FTCD: variants seen among roughly 807,000 people sequenced by gnomAD.
FTCD encodes the protein formimidoyltransferase-cyclodeaminase.
FTCD carries 76 observed loss-of-function variants against 62.9 expected under a neutral mutation model. The observed-to-expected ratio is 1.21, with a 90% CI of 1.00 to 1.46. The LOEUF (loss-of-function observed/expected upper bound fraction) is 1.46, where lower values mean the gene tolerates loss of function less well. Ranked by LOEUF, FTCD falls within the 40% of genes most tolerant of loss-of-function variation. The pLI is 0.00. For missense variants in FTCD, 845 were observed against 751.3 expected (o/e 1.12, Z -1.46); for synonymous variants, 397 against 336.9 (o/e 1.18, Z -1.95).
rs1476328867 is a variant in FTCD at position 46,151,744 on chromosome 21, G to A, written c.457-7C>T. 2 of 1,612,682 alleles carry A rather than the reference G, an allele frequency of 1.2e-6. No homozygotes were observed. Among genetic ancestry groups the A allele is most frequent in the Middle Eastern group, 1.7e-4 (1 of 5,954 alleles). Reference sequence around the variant, plus strand: ...CCCAGTCGGCCTGCTGGAGCTGTGAGCAAGTTCGCTCTGGGGTGAGACATC... The same window carrying A: ...CCCAGTCGGCCTGCTGGAGCTGTGAACAAGTTCGCTCTGGGGTGAGACATC... On this transcript the variant is annotated splice_polypyrimidine_tract_variant and splice_region_variant and intron_variant, in intron 4 of 13. Coordinates refer to ENST00000397746, the MANE Select transcript of FTCD (RefSeq NM_206965.2).
chr21:46,153,064 A>G, intron 2 of FTCD, 29 bp from the exon 3 acceptor site: 1 of 1,540,078 alleles, frequency 6.5e-7, no homozygotes. Context: ...GCCGGGCAGG[A>G]GGCCAGGTGT....
At position 46,150,455 on chromosome 21, in the gene FTCD, G is replaced by A. The variant is rs2079243143; in HGVS notation, c.707C>T (p.Thr236Ile). The change falls in exon 6 of 14, where the codon ACC becomes ATC. Residue 236 changes from threonine (T) to isoleucine (I), a missense_variant. By Grantham distance (89) the Thr-to-Ile change is moderately conservative. Coordinates refer to ENST00000397746, the MANE Select transcript of FTCD (RefSeq NM_206965.2). ...LDEKNLAQVS[T>I]NLLDFEVTAL... ...CGTGACCTCAAAGTCCAGAAGATTG[G>A]TGGACACCTGAGCCAGGTTCTTCTC... 1.2e-6 allele frequency: 2 copies of A among 1,612,552 alleles called. No individual in the cohort carries two copies. Among genetic ancestry groups the A allele is most frequent in the African/African-American group, 1.3e-5 (1 of 74,926 alleles).
At chr21:46,152,654 G>C in intron 3 of FTCD, 1 of 433,110 alleles carries the variant, frequency 2.3e-6, no homozygotes, top group Non-Finnish European at 4.1e-6. Flanking sequence ...AGAAGGCGTG[G>C]ACTTTAAGGC....
In FTCD at chr21:46,145,918, C is replaced by G; in HGVS notation, c.998G>C (p.Arg333Pro). The G allele has an allele frequency of 6.7e-7, 1 of 1,502,210 alleles. No individual in the cohort carries two copies. The highest frequency in any genetic ancestry group is 8.8e-7 in the Non-Finnish European group (1 of 1,132,616). 93.1% of individuals were successfully genotyped at this position (1,502,210 alleles called of 1,614,324 possible). The change falls in exon 9 of 14, where the codon CGA becomes CCA. Residue 333 changes from arginine to proline, a missense_variant. Transcript: ENST00000397746. ...EYLVPERGPE[R>P]GLGSKSLRAF... ...GCGCAGGGACTTGCTGCCCAGGCCT[C>G]GCTCAGGCCCGCGCTCAGGGACCAG... is the stretch of plus-strand genomic sequence containing the variant.
chr21:46,140,088 C>A (rs1464588399), intron 10 of FTCD, among the ~76,000 whole-genome samples: 1 of 152,200 alleles, frequency 6.6e-6, no homozygotes, highest in East Asian at 1.9e-4. Context: ...GTGCAAGGTA[C>A]AGATATCTCC....
At chr21:46,145,983 G>C (rs2079138671) in intron 8 of FTCD, 36 bp from the exon 9 acceptor site, 1 of 1,297,842 alleles carries the variant, frequency 7.7e-7, no homozygotes, top group African/African-American at 1.5e-5. Flanking sequence ...GTCTGGCCGG[G>C]GTTGGTGGGG....
rs777790425 is a variant in FTCD at position 46,145,843 on chromosome 21, G to C, written c.1073C>G (p.Ser358Trp). ...CATGGCCGCAGCGGCCGCCGCCACC[G>C]AGCCGCCCCCGGGGGCCGCAGAGCG... ...GARSAAPGGG[S>W]VAAAAAAMGA... Residue 358 changes from serine (S) to tryptophan (W), a missense_variant, in exon 9 of 14, where the codon TCG (serine) becomes TGG (tryptophan). Coordinates refer to ENST00000397746, the MANE Select transcript of FTCD (RefSeq NM_206965.2). 5.3e-6 allele frequency: 5 copies of C among 939,148 alleles called. No individual in the cohort carries two copies. Among genetic ancestry groups the C allele is most frequent in the South Asian group, 2.4e-5 (1 of 40,892 alleles). The allele number at this position is 939,148 out of a possible 1,614,324, so 58.2% of individuals were successfully genotyped here. A position where few individuals can be genotyped will look rare whatever the true frequency, so the allele number is the denominator to read the frequency against.
At position 46,136,905 on chromosome 21, in the gene FTCD, G is replaced by A. The variant is rs1439740662; in HGVS notation, c.*82C>T. 1.2e-6 allele frequency: 2 copies of A among 1,601,474 alleles called. No homozygotes were observed. The highest frequency in any genetic ancestry group is 1.6e-4 in the Middle Eastern group (1 of 6,064). On this transcript the variant is annotated 3_prime_UTR_variant, in exon 14 of 14. Coordinates refer to ENST00000397746, the MANE Select transcript of FTCD (RefSeq NM_206965.2). ...CCTCCGGGCCCCACACGAACAAGCT[G>A]TGTCCCCACCGAGGTCACAGCTCTG...
downstream of FTCD, chr21:46,136,764 A>C (rs1344307663): frequency 6.7e-7 from 1 of 1,498,194 alleles, no homozygotes; most frequent in African/African-American, 1.4e-5. Flanking sequence ...CAAAACCGCC[A>C]ACACACAACA....
chr21:46,136,430 G>T (rs139773262), downstream of FTCD: 1 of 1,612,318 alleles, frequency 6.2e-7, no homozygotes, highest in Admixed American at 1.7e-5. Context: ...CAGACCTGCC[G>T]GGAGCTGCAC....
At position 46,155,318 on chromosome 21, in the gene FTCD, C is replaced by T. The variant is rs962976015; in HGVS notation, c.54+152G>A. 7.5e-5 allele frequency: 53 copies of T among 702,488 alleles called. No individual in the cohort carries two copies. In the Admixed American group the frequency reaches 7.8e-4, roughly 10 times the overall value. 43.5% of individuals were successfully genotyped at this position (702,488 alleles called of 1,614,324 possible). On this transcript the variant is annotated intron_variant, in intron 1 of 13. Coordinates refer to ENST00000397746, the MANE Select transcript of FTCD (RefSeq NM_206965.2). ...AGGCACTCCCCAGGGCCCTGAGCCACGGGATGTCCTTGGGGCCCACGGGCA... is the reference window on the plus strand; with the variant it reads ...AGGCACTCCCCAGGGCCCTGAGCCATGGGATGTCCTTGGGGCCCACGGGCA...
chr21:46,145,501 C>CCGCAT lies in FTCD; in HGVS notation c.1171_1175dup (p.Arg393CysfsTer4). ...CCTCGCGGAAGGGCGGGATCAGGCG[C>CCGCAT]CGCATCGTCGTGTCCAGGGACTGGA... On this transcript the variant is annotated frameshift_variant, in exon 10 of 14. Coordinates refer to ENST00000397746, the MANE Select transcript of FTCD (RefSeq NM_206965.2). LOFTEE classifies it high-confidence loss of function. 1.3e-6 allele frequency: 2 copies of CCGCAT among 1,553,254 alleles called. No individual in the cohort carries two copies. Among genetic ancestry groups the CCGCAT allele is most frequent in the South Asian group, 2.4e-5 (2 of 84,324 alleles).
intron 7 of FTCD, 63 bp downstream of exon 7, chr21:46,150,055 CG>C: frequency 1.3e-6 from 2 of 1,486,598 alleles, no homozygotes; most frequent in Non-Finnish European, 9.2e-7. Flanking sequence ...CTGTGAGCTC[CG>C]CCACCGCCTC....
intron 12 of FTCD, 93 bp downstream of exon 12, chr21:46,138,415 G>C: frequency 2.3e-6 from 3 of 1,304,550 alleles, no homozygotes; most frequent in Non-Finnish European, 3.2e-6. Context: ...ACCTGGCTCA[G>C]CCCAGCCAAC....
chr21:46,150,902 C>T (rs962045355), intron 5 of FTCD, among the ~76,000 whole-genome samples: 3 of 152,264 alleles, frequency 2.0e-5, no homozygotes, highest in African/African-American at 7.2e-5. Context: ...CAGCCCCGCA[C>T]TTGTCGGGGT....
intron 10 of FTCD, among the ~76,000 whole-genome samples, chr21:46,144,800 C>G (rs754807774): frequency 2.0e-5 from 3 of 146,460 alleles, no homozygotes; most frequent in Non-Finnish European, 4.5e-5. Context: ...TGGGAGCATC[C>G]TGACCTTGTC....
chr21:46,146,354 GGCCTCGGC>G, intron 7 of FTCD, 27 bp from the exon 8 acceptor site: 1 of 1,532,062 alleles, frequency 6.5e-7, no homozygotes, highest in Non-Finnish European at 8.9e-7. Flanking sequence ...GAGTGGAAAC[GGCCTCGGC>G]GCGTCTCCAC....
intron 10 of FTCD, among the ~76,000 whole-genome samples, chr21:46,143,657 G>T (rs2079066327): frequency 6.6e-6 from 1 of 152,210 alleles, no homozygotes; most frequent in Non-Finnish European, 1.5e-5. Flanking sequence ...TGAGCTCTTT[G>T]TCAGGCCTGG....
rs112773027 is a variant in FTCD at position 46,150,278 on chromosome 21, C to G, written c.775-28G>C. ...GCCAAGGCACAGGCAGCGTCACCCC[C>G]TGGGGGCTGGCTGGAGAATGGCCCT... On this transcript the variant is annotated intron_variant, in intron 6 of 13. Transcript: ENST00000397746. 3.2e-4 allele frequency: 511 copies of G among 1,608,714 alleles called. 4 individuals carry two copies. In the African/African-American group the frequency reaches 4.9e-3, roughly 15 times the overall value.
Sources: allele counts gnomAD v4.1 joint callset (sites outside exome capture counted in the v4.1 genomes callset), GRCh38; gene constraint gnomAD v4.1.1; transcripts MANE v1.5; gene names NCBI Gene and HGNC (gene_info 2026-07-23, HGNC 2026-07-21).